Variants in TBC1D1 observed in about 807,000 individuals in gnomAD.
The protein encoded by TBC1D1 is TBC1 (tre-2/USP6, BUB2, cdc16) domain family, member 1.
Under a neutral mutation model 125.6 loss-of-function variants are expected in TBC1D1, and 89 were observed. The ratio of observed to expected loss-of-function variants is 0.71; its 90% CI spans 0.60 to 0.85. The LOEUF is 0.85. TBC1D1 is among the 40% of genes least tolerant of loss of function. The probability of loss-of-function intolerance (pLI) is 0.00; values close to 1 mark genes in which losing one functional copy is unlikely to be tolerated. For missense variants in TBC1D1, 1,377 were observed against 1,469.2 expected, an observed-to-expected ratio of 0.94 and a Z score of 1.03; for synonymous variants, 565 against 564.1, an observed-to-expected ratio of 1.00 and a Z score of -0.02.
In TBC1D1 at chr4:38,049,836, G is replaced by C. The variant is rs747005675; in HGVS notation, c.1848G>C (p.Gly616=). 1.9e-6 allele frequency: 3 copies of C among 1,614,032 alleles called. No homozygotes were observed. Among genetic ancestry groups the C allele is most frequent in the Non-Finnish European group, 2.5e-6 (3 of 1,179,996 alleles). The stretch of plus-strand genomic sequence containing the variant: ...CACAACCTGCCCGGGGGTCCCCGGG[G>C]GTTTCGCAAAGGAAACTTATGAGGT... The change falls in exon 11 of 20, where the codon GGG becomes GGC. Residue 616 remains glycine, a synonymous_variant. Transcript: ENST00000261439.
At chr4:38,134,886 A>G (rs1165843599) in intron 19 of TBC1D1, among the ~76,000 whole-genome samples, 1 of 152,198 alleles carries the variant, frequency 6.6e-6, no homozygotes, top group Non-Finnish European at 1.5e-5. Context: ...TTCTGGAAGG[A>G]TCATTCAGAA....
chr4:37,989,650 G>C (rs1736153358), intron 2 of TBC1D1, among the ~76,000 whole-genome samples: 1 of 152,196 alleles, frequency 6.6e-6, no homozygotes, highest in Non-Finnish European at 1.5e-5. Context: ...CATAAACCCT[G>C]TTCCCTAGTA....
chr4:37,984,544 G>A (rs1361991547), intron 2 of TBC1D1, among the ~76,000 whole-genome samples: 1 of 152,028 alleles, frequency 6.6e-6, no homozygotes, highest in Non-Finnish European at 1.5e-5. Flanking sequence ...TGACTTTTAA[G>A]GAATAGAAAT....
At chr4:38,085,725 A>AG (rs1757376066) in intron 12 of TBC1D1, among the ~76,000 whole-genome samples, 1 of 152,224 alleles carries the variant, frequency 6.6e-6, no homozygotes, top group African/African-American at 2.4e-5. Flanking sequence ...GAAACCTCAG[A>AG]GTAGCCCTCC....
intron 2 of TBC1D1, among the ~76,000 whole-genome samples, chr4:37,915,693 T>G (rs1162718077): frequency 1.3e-5 from 2 of 152,194 alleles, no homozygotes; most frequent in East Asian, 3.8e-4. Context: ...TTAGTCAAAA[T>G]TAAGCATCAT....
Position 38,045,822 on chromosome 4 carries a change from T to C in TBC1D1, c.1548T>C (p.Asn516=). ...ACTGCCTTTTCTTTATGTAGGGTAA[T>C]AAAGCCAGAGGCCTGCAGGAACACT... The change falls in exon 10 of 20, where the codon AAT becomes AAC. Residue 516 remains asparagine (N), a synonymous_variant. Transcript: ENST00000261439. 6.2e-7 allele frequency: 1 copy of C among 1,614,088 alleles called. No individual in the cohort carries two copies. Among genetic ancestry groups the C allele is most frequent in the African/African-American group, 1.3e-5 (1 of 75,044 alleles).
Position 38,021,831 on chromosome 4 carries a change from C to G in TBC1D1, c.1210+113C>G, listed in dbSNP as rs749317219. 4.1e-6 allele frequency: 5 copies of G among 1,220,742 alleles called. No individual in the cohort carries two copies. In the East Asian group the frequency reaches 1.6e-4, roughly 38 times the overall value. 75.6% of individuals were successfully genotyped at this position (1,220,742 alleles called of 1,614,324 possible). On this transcript the variant is annotated intron_variant, in intron 6 of 19. Transcript: ENST00000261439. ...CTGCCTAACAGAGGCTTGTATTAGTCACAGGGATTGTAGGTGGACTCTCAG... is the reference window on the plus strand; with the variant it reads ...CTGCCTAACAGAGGCTTGTATTAGTGACAGGGATTGTAGGTGGACTCTCAG...
intron 2 of TBC1D1, among the ~76,000 whole-genome samples, chr4:37,992,877 T>C (rs1736932908): frequency 6.7e-6 from 1 of 150,074 alleles, no homozygotes; most frequent in African/African-American, 2.5e-5. Flanking sequence ...CGATCTCAGC[T>C]CACTGCAACC....
At chr4:38,111,613 A>C (rs1485202034) in intron 15 of TBC1D1, among the ~76,000 whole-genome samples, 1 of 152,170 alleles carries the variant, frequency 6.6e-6, no homozygotes, top group African/African-American at 2.4e-5. Context: ...TGCTTCATTC[A>C]TTCTGTTTTG....
intron 2 of TBC1D1, among the ~76,000 whole-genome samples, chr4:38,007,717 C>T (rs976271571): frequency 2.8e-4 from 43 of 152,142 alleles, no homozygotes; most frequent in African/African-American, 9.7e-4. Context: ...TCTTTTTTGT[C>T]TTTGCCAGTT....
At chr4:38,010,160 A>G (rs1178463729) in intron 2 of TBC1D1, among the ~76,000 whole-genome samples, 1 of 152,158 alleles carries the variant, frequency 6.6e-6, no homozygotes, top group South Asian at 2.1e-4. Context: ...TCAGTTAGGC[A>G]TGTTTATTTT....
chr4:37,999,755 A>G (rs1738623441), intron 2 of TBC1D1, among the ~76,000 whole-genome samples: 1 of 152,196 alleles, frequency 6.6e-6, no homozygotes. Context: ...AACCTAATTA[A>G]CAGTTTATTG....
chr4:37,932,554 A>G (rs1173253811), intron 2 of TBC1D1, among the ~76,000 whole-genome samples: 1 of 152,180 alleles, frequency 6.6e-6, no homozygotes, highest in Non-Finnish European at 1.5e-5. Context: ...ATATGATTTG[A>G]TATTTTATTT....
At chr4:37,987,604 G>A (rs1024038648) in intron 2 of TBC1D1, among the ~76,000 whole-genome samples, 1 of 152,110 alleles carries the variant, frequency 6.6e-6, no homozygotes. Flanking sequence ...TATATAAGAA[G>A]TGTAACATTT....
At chr4:38,121,414 G>T (rs1455415458) in intron 17 of TBC1D1, among the ~76,000 whole-genome samples, 2 of 152,206 alleles carry the variant, frequency 1.3e-5, no homozygotes, top group African/African-American at 2.4e-5. Flanking sequence ...CAGTTCCTTT[G>T]TGTTGTTCCC....
intron 12 of TBC1D1, among the ~76,000 whole-genome samples, chr4:38,055,712 C>G (rs978192014): frequency 6.6e-6 from 1 of 152,174 alleles, no homozygotes; most frequent in Non-Finnish European, 1.5e-5. Context: ...GGTTTGATTT[C>G]TCTTCCTGCC....
intron 2 of TBC1D1, among the ~76,000 whole-genome samples, chr4:37,935,643 G>C (rs560983651): frequency 6.6e-6 from 1 of 152,040 alleles, no homozygotes; most frequent in Non-Finnish European, 1.5e-5. Context: ...CTCCACCAGC[G>C]TCCAGAGCGA....
At chr4:37,948,366 C>T (rs1278943046) in intron 2 of TBC1D1, among the ~76,000 whole-genome samples, 2 of 152,216 alleles carry the variant, frequency 1.3e-5, no homozygotes, top group East Asian at 3.8e-4. Flanking sequence ...GTGGCTCACG[C>T]CTGTTAATTC....
intron 12 of TBC1D1, among the ~76,000 whole-genome samples, chr4:38,058,959 A>G (rs113861532): frequency 1.1e-3 from 169 of 152,348 alleles, no homozygotes; most frequent in African/African-American, 3.7e-3. Flanking sequence ...CAGTGGATAG[A>G]GGTGGATAGT....
Sources: allele counts gnomAD v4.1 joint callset (sites outside exome capture counted in the v4.1 genomes callset), GRCh38; gene constraint gnomAD v4.1.1; transcripts MANE v1.5; gene names NCBI Gene and HGNC (gene_info 2026-07-23, HGNC 2026-07-21).